The following CEP128 variants were observed in gnomAD, a reference collection of about 807,000 sequenced individuals.
CEP128 encodes the protein centrosomal protein 128, also known as centrosomal protein 128kDa.
A neutral mutation model predicts 156.7 loss-of-function variants in CEP128; 132 were observed. The observed-to-expected ratio is 0.84, with a 90% CI of 0.73 to 0.97. CEP128 has a LOEUF of 0.97. Among genes scored for constraint, CEP128 ranks in the 50% least tolerant of loss-of-function variants. CEP128 has a pLI of 0.00. For missense variants in CEP128, 1,252 were observed against 1,281.9 expected (o/e 0.98, Z 0.36); for synonymous variants, 469 against 448.9 (o/e 1.04, Z -0.57).
intron 19 of CEP128, among the ~76,000 whole-genome samples, chr14:80,681,652 C>A (rs1161601877): frequency 1.3e-5 from 2 of 152,200 alleles, no homozygotes; most frequent in Non-Finnish European, 2.9e-5. Flanking sequence ...CCTCTTCTGG[C>A]ATTCATTCTC....
At chr14:80,736,685 G>A (rs1359628755) in intron 19 of CEP128, among the ~76,000 whole-genome samples, 4 of 152,224 alleles carry the variant, frequency 2.6e-5, no homozygotes, top group East Asian at 1.9e-4. Flanking sequence ...TCATCCAATA[G>A]AAGTGTTATA....
intron 19 of CEP128, among the ~76,000 whole-genome samples, chr14:80,598,760 G>A (rs911880909): frequency 6.6e-6 from 1 of 152,142 alleles, no homozygotes. Context: ...GGTTTTGGTG[G>A]AGGGATATGC....
rs1887905251 is a variant in CEP128, at chr14:80,504,989, G to C, written c.3104C>G (p.Thr1035Ser). 6.3e-7 allele frequency: 1 copy of C among 1,599,738 alleles called. No homozygotes were observed. The highest frequency in any genetic ancestry group is 1.3e-5 in the African/African-American group (1 of 74,650). The change falls in exon 24 of 25, where the codon ACT becomes AGT. Residue 1035 changes from threonine to serine, a missense_variant. Physicochemically the swap from Thr to Ser is moderately conservative, Grantham distance 58 (BLOSUM62 1). Transcript: ENST00000555265. Reference sequence around the variant, plus strand: ...AGAGGATGAGTGATCTAACCCACGAGTGTGGGAACCTTCCAGAAAGGTTCT... The same window carrying C: ...AGAGGATGAGTGATCTAACCCACGACTGTGGGAACCTTCCAGAAAGGTTCT... ...GDRTFLEGSH[T>S]RGLDHSSSWQ...
At chr14:80,791,838 G>GT (rs369564573) in intron 14 of CEP128, among the ~76,000 whole-genome samples, 24 of 152,238 alleles carry the variant, frequency 1.6e-4, no homozygotes, top group African/African-American at 5.1e-4. Context: ...TCTGAAATAA[G>GT]TATCTGTCAC....
At chr14:80,757,184 C>A (rs1476118417) in intron 17 of CEP128, among the ~76,000 whole-genome samples, 1 of 152,096 alleles carries the variant, frequency 6.6e-6, no homozygotes, top group African/African-American at 2.4e-5. Context: ...ATGGAAAAAT[C>A]AACTATCAAG....
At chr14:80,745,561 T>C (rs912932448) in intron 18 of CEP128, among the ~76,000 whole-genome samples, 1 of 152,132 alleles carries the variant, frequency 6.6e-6, no homozygotes, top group African/African-American at 2.4e-5. Context: ...CATTCCTTCA[T>C]AATAAAGACA....
At chr14:80,919,979 T>C (rs1018001182) in intron 2 of CEP128, among the ~76,000 whole-genome samples, 2 of 152,214 alleles carry the variant, frequency 1.3e-5, no homozygotes. Context: ...TGGCTTTTTT[T>C]AAGCATATGA....
At position 80,939,367 on chromosome 14, in the gene CEP128, G is replaced by A. The variant is rs1055479984; in HGVS notation, c.-16+18C>T. On this transcript the variant is annotated intron_variant, in intron 2 of 24. Transcript: ENST00000555265. ...AAAAATGTGTTATCTCAGAAACTCA[G>A]GGAGAAAGCATACTTACAAAGCACA... 2.6e-5 allele frequency: 4 copies of A among 152,232 alleles called. No homozygotes were observed. In the South Asian group the frequency reaches 6.2e-4, roughly 24 times the overall value. 9.4% of individuals were successfully genotyped at this position (152,232 alleles called of 1,614,324 possible). A position where few individuals can be genotyped will look rare whatever the true frequency, so the allele number is the denominator to read the frequency against.
chr14:80,543,473 A>C (rs1332787048), intron 21 of CEP128, among the ~76,000 whole-genome samples: 1 of 152,242 alleles, frequency 6.6e-6, no homozygotes, highest in Non-Finnish European at 1.5e-5. Context: ...ATGCTCTATT[A>C]GGCTAAATGG....
intron 13 of CEP128, among the ~76,000 whole-genome samples, chr14:80,828,095 T>A (rs1299564069): frequency 1.3e-5 from 2 of 151,822 alleles, no homozygotes; most frequent in African/African-American, 2.4e-5. Flanking sequence ...TTTTTCTACT[T>A]TATTTTGGCC....
intron 24 of CEP128, among the ~76,000 whole-genome samples, chr14:80,500,217 G>T (rs563520428): frequency 6.6e-6 from 1 of 152,032 alleles, no homozygotes; most frequent in South Asian, 2.1e-4. Context: ...TTTTTTCCAC[G>T]GTCAATGATT....
At chr14:80,864,950 T>C (rs551821702) in intron 8 of CEP128, among the ~76,000 whole-genome samples, 95 of 152,218 alleles carry the variant, frequency 6.2e-4, no homozygotes, top group Non-Finnish European at 1.1e-3. Context: ...CCAATCAACA[T>C]ATCTATCACT....
At chr14:80,826,778 A>G (rs1443567319) in intron 13 of CEP128, among the ~76,000 whole-genome samples, 2 of 151,736 alleles carry the variant, frequency 1.3e-5, no homozygotes, top group Non-Finnish European at 2.9e-5. Flanking sequence ...CCTTTCTTTG[A>G]AGTTCTTTCT....
At chr14:80,884,539 C>T (rs578169149) in intron 8 of CEP128, among the ~76,000 whole-genome samples, 35 of 152,200 alleles carry the variant, frequency 2.3e-4, no homozygotes, top group Non-Finnish European at 8.8e-5. Flanking sequence ...ATTGCCTCAC[C>T]GGGGAAGTGC....
At chr14:80,677,086 C>T (rs1050067562) in intron 19 of CEP128, among the ~76,000 whole-genome samples, 4 of 152,122 alleles carry the variant, frequency 2.6e-5, no homozygotes, top group South Asian at 2.1e-4. Flanking sequence ...GATCTATCAT[C>T]CCATGATGTA....
intron 14 of CEP128, among the ~76,000 whole-genome samples, chr14:80,484,470 G>A (rs1395730230): frequency 2.0e-5 from 3 of 152,170 alleles, no homozygotes; most frequent in Non-Finnish European, 4.4e-5. Context: ...CTCCCATGAT[G>A]CTATCAACCG....
At chr14:80,792,520 G>A (rs1420221219) in intron 14 of CEP128, among the ~76,000 whole-genome samples, 1 of 152,054 alleles carries the variant, frequency 6.6e-6, no homozygotes, top group African/African-American at 2.4e-5. Flanking sequence ...GGGGCAAGGG[G>A]TACATCTATT....
intron 13 of CEP128, among the ~76,000 whole-genome samples, chr14:80,819,239 CTTTT>C (rs1187431254): frequency 1.7e-4 from 14 of 82,742 alleles, no homozygotes; most frequent in African/African-American, 5.1e-4. Context: ...TGGCATCTTC[CTTTT>C]TTTTTTTTTT....
In CEP128 at chr14:80,785,095, G is replaced by C. The variant is rs746438697; in HGVS notation, c.2011C>G (p.Gln671Glu). 6.2e-7 allele frequency: 1 copy of C among 1,614,142 alleles called. No individual in the cohort carries two copies. Among genetic ancestry groups the C allele is most frequent in the Non-Finnish European group, 8.5e-7 (1 of 1,179,990 alleles). Residue 671 changes from glutamine to glutamate, a missense_variant, in exon 15 of 25, where the codon CAG (glutamine) becomes GAG (glutamate). Gln to Glu is a conservative substitution (Grantham distance 29). Coordinates refer to ENST00000555265, the MANE Select transcript of CEP128 (RefSeq NM_152446.5). ...GTTTCTTCATCCCTGGATTTTGCCT[G>C]TGCAGTGAGGTCAGAAAGGTCCTTA... ...VLKDLSDLTA[Q>E]AKSRDEETAT...
Sources: allele counts gnomAD v4.1 joint callset (sites outside exome capture counted in the v4.1 genomes callset), GRCh38; gene constraint gnomAD v4.1.1; transcripts MANE v1.5; gene names NCBI Gene and HGNC (gene_info 2026-07-23, HGNC 2026-07-21).